ZRANB3: variants seen among roughly 807,000 people sequenced by gnomAD.
ZRANB3 encodes the protein zinc finger RANBP2-type containing 3.
Under a neutral mutation model 133.8 loss-of-function variants are expected in ZRANB3, and 125 were observed. That is an observed-to-expected ratio of 0.93 (90% CI 0.81 to 1.08). ZRANB3 has a LOEUF of 1.08. ZRANB3 is among the 50% of genes least tolerant of loss of function. ZRANB3 has a pLI of 0.00. For synonymous variants in ZRANB3, 387 were observed against 432.7 expected (o/e 0.89, Z 1.31); for missense variants, 1,229 against 1,275.5 (o/e 0.96, Z 0.56).
intron 2 of ZRANB3, among the ~76,000 whole-genome samples, chr2:135,495,163 G>C (rs986233153): frequency 3.9e-5 from 6 of 152,086 alleles, no homozygotes; most frequent in Non-Finnish European, 8.8e-5. Flanking sequence ...GTGAATACGA[G>C]GTTACAGTGA....
intron 5 of ZRANB3, among the ~76,000 whole-genome samples, chr2:135,349,114 A>G (rs1231669670): frequency 6.6e-6 from 1 of 152,204 alleles, no homozygotes; most frequent in Admixed American, 6.5e-5. Context: ...GTATCTCACA[A>G]GATTTCCAGG....
At chr2:135,504,852 A>G (rs1693103568) in intron 1 of ZRANB3, among the ~76,000 whole-genome samples, 1 of 152,126 alleles carries the variant, frequency 6.6e-6, no homozygotes, top group South Asian at 2.1e-4. Context: ...TCTGCTAGAG[A>G]AAGATGAATC....
intron 6 of ZRANB3, among the ~76,000 whole-genome samples, chr2:135,330,411 G>C (rs1466584755): frequency 6.6e-6 from 1 of 152,194 alleles, no homozygotes; most frequent in African/African-American, 2.4e-5. Context: ...AAGCTGACTT[G>C]ATCGTGGTGG....
intron 6 of ZRANB3, among the ~76,000 whole-genome samples, chr2:135,335,987 C>T (rs1211426776): frequency 6.6e-6 from 1 of 152,150 alleles, no homozygotes; most frequent in Non-Finnish European, 1.5e-5. Flanking sequence ...ACTGGGTGAT[C>T]TCCAAAGTCT....
At chr2:135,279,672 A>C (rs1558882744) in intron 8 of ZRANB3, among the ~76,000 whole-genome samples, 1 of 152,162 alleles carries the variant, frequency 6.6e-6, no homozygotes, top group South Asian at 2.1e-4. Context: ...CTCCACTGAT[A>C]TCACCTGCTT....
chr2:135,268,611 T>C (rs143003144), intron 11 of ZRANB3, among the ~76,000 whole-genome samples: 53 of 152,298 alleles, frequency 3.5e-4, no homozygotes, highest in African/African-American at 1.1e-3. Flanking sequence ...CAAAATTAGC[T>C]TGGAACTCAA....
rs191403142 is a variant in ZRANB3 at position 135,244,551 on chromosome 2, T to C, written c.1540-13624A>G. Among the ~76,000 whole-genome samples, 56 of 152,192 alleles carry C rather than the reference T, an allele frequency of 3.7e-4. No individual in the cohort carries two copies. The East Asian group carries it at 0.01, about 28-fold the overall frequency. On this transcript the variant is annotated intron_variant, in intron 12 of 20. Coordinates refer to ENST00000264159, the MANE Select transcript of ZRANB3 (RefSeq NM_032143.4). ...TGAACCCAGGAAGTGGAGGTTGCAG[T>C]GAGCTGAGTTCGCACCATTGCACTC...
intron 2 of ZRANB3, among the ~76,000 whole-genome samples, chr2:135,458,038 T>C (rs1690603697): frequency 1.3e-5 from 2 of 152,126 alleles, no homozygotes; most frequent in Non-Finnish European, 2.9e-5. Flanking sequence ...TTCTAGCTCT[T>C]ACATCTTTGA....
At position 135,198,928 on chromosome 2, in the gene ZRANB3, C is replaced by G. The variant is rs971700806; in HGVS notation, c.*1414G>C. On this transcript the variant is annotated 3_prime_UTR_variant, in exon 21 of 21. Transcript: ENST00000264159. ...AGCTATTAATTAACGTGGGAAAATG[C>G]TCAAACTAAAGAGGTATATGTCCTA... is the stretch of plus-strand genomic sequence containing the variant. The G allele has an allele frequency of 6.6e-6, 1 of 152,126 alleles. No homozygotes were observed. Among genetic ancestry groups the G allele is most frequent in the African/African-American group, 2.4e-5 (1 of 41,424 alleles). The allele number at this position is 152,126 out of a possible 1,614,324, so 9.4% of individuals were successfully genotyped here.
intron 9 of ZRANB3, among the ~76,000 whole-genome samples, chr2:135,274,714 G>A (rs1680700195): frequency 6.6e-6 from 1 of 152,178 alleles, no homozygotes; most frequent in South Asian, 2.1e-4. Context: ...TGGAGGGAAG[G>A]TCAGCAGATG....
chr2:135,251,250 C>T (rs1573760976), intron 12 of ZRANB3, among the ~76,000 whole-genome samples: 2 of 152,282 alleles, frequency 1.3e-5, no homozygotes, highest in South Asian at 4.1e-4. Flanking sequence ...ACCTGTACCC[C>T]CATTGTATCT....
At chr2:135,408,068 C>T (rs1688127178) in intron 2 of ZRANB3, among the ~76,000 whole-genome samples, 1 of 151,764 alleles carries the variant, frequency 6.6e-6, no homozygotes, top group Non-Finnish European at 1.5e-5. Flanking sequence ...TTTTTGCAAT[C>T]TACCCATCTG....
intron 2 of ZRANB3, among the ~76,000 whole-genome samples, chr2:135,470,963 A>G (rs770176363): frequency 6.6e-6 from 1 of 151,410 alleles, no homozygotes; most frequent in Non-Finnish European, 1.5e-5. Flanking sequence ...CACCACGCCC[A>G]GCTAATTTTT....
intron 2 of ZRANB3, among the ~76,000 whole-genome samples, chr2:135,417,417 T>C (rs1344588424): frequency 2.6e-5 from 4 of 151,854 alleles, no homozygotes; most frequent in Admixed American, 6.6e-5. Flanking sequence ...TGAGATACCA[T>C]CTCACACCAG....
At chr2:135,487,267 C>T (rs1467256865) in intron 2 of ZRANB3, among the ~76,000 whole-genome samples, 1 of 152,176 alleles carries the variant, frequency 6.6e-6, no homozygotes, top group Non-Finnish European at 1.5e-5. Flanking sequence ...AAGAGATGTA[C>T]TGTCATCCAG....
rs1693450405 is a variant in ZRANB3, at chr2:135,197,319, T to G, written c.*3023A>C. The G allele has an allele frequency of 6.6e-6, 1 of 152,250 alleles. No individual in the cohort carries two copies. The highest frequency in any genetic ancestry group is 2.4e-5 in the African/African-American group (1 of 41,462). 9.4% of individuals were successfully genotyped at this position (152,250 alleles called of 1,614,324 possible). On this transcript the variant is annotated 3_prime_UTR_variant, in exon 21 of 21. Transcript: ENST00000264159. Reference sequence around the variant, plus strand: ...AAAGAGCTCAAGAGCATTGACTTTTTTGTCTGTCATATAATTTAAAATGCC... The same window carrying G: ...AAAGAGCTCAAGAGCATTGACTTTTGTGTCTGTCATATAATTTAAAATGCC...
At chr2:135,214,554 A>G (rs1475491847) in intron 17 of ZRANB3, among the ~76,000 whole-genome samples, 6 of 152,174 alleles carry the variant, frequency 3.9e-5, no homozygotes, top group African/African-American at 1.2e-4. Flanking sequence ...CTAGAAATTC[A>G]GTTATGAAAA....
intron 8 of ZRANB3, among the ~76,000 whole-genome samples, chr2:135,283,906 C>G (rs1302319910): frequency 1.3e-5 from 2 of 151,082 alleles, no homozygotes; most frequent in South Asian, 2.1e-4. Flanking sequence ...TGCTTGAGCC[C>G]GGAAGTTAGA....
chr2:135,232,044 A>C (rs1247986884), intron 12 of ZRANB3, among the ~76,000 whole-genome samples: 1 of 152,166 alleles, frequency 6.6e-6, no homozygotes, highest in Admixed American at 6.5e-5. Context: ...TTTCCTAGTC[A>C]AAGAAAGAGG....
Sources: gnomAD v4.1 joint callset for allele counts (sites outside exome capture counted in the v4.1 genomes callset) on GRCh38, gnomAD v4.1.1 for gene constraint, MANE v1.5 for transcripts, NCBI Gene and HGNC (gene_info 2026-07-23, HGNC 2026-07-21) for gene names.